The following EXOC6 variants were observed in gnomAD, a reference collection of about 807,000 sequenced individuals.
EXOC6 encodes the protein exocyst complex component 6.
A neutral mutation model predicts 112.5 loss-of-function variants in EXOC6; 60 were observed. That is an observed-to-expected ratio of 0.53 (90% CI 0.43 to 0.66). EXOC6 has a LOEUF of 0.66. Ranked by LOEUF, EXOC6 falls within the 30% of genes least tolerant of loss-of-function variation. The pLI is 0.00. For missense variants in EXOC6, 855 were observed against 957.1 expected (o/e 0.89, Z 1.41); for synonymous variants, 295 against 308.0 (o/e 0.96, Z 0.44).
chr10:92,952,773 A>G (rs1409211787), intron 15 of EXOC6, among the ~76,000 whole-genome samples: 2 of 152,140 alleles, frequency 1.3e-5, no homozygotes, highest in Admixed American at 6.5e-5. Context: ...TGCAAAGGAC[A>G]TGATTTTGTT....
intron 1 of EXOC6, among the ~76,000 whole-genome samples, chr10:92,829,495 G>A (rs529058834): frequency 1.2e-3 from 184 of 152,238 alleles, no homozygotes; most frequent in African/African-American, 4.3e-3. Context: ...GGACAACAAC[G>A]CCAGACAACA....
intron 1 of EXOC6, among the ~76,000 whole-genome samples, chr10:92,849,680 A>C (rs1847229964): frequency 1.3e-5 from 2 of 152,224 alleles, no homozygotes; most frequent in African/African-American, 2.4e-5. Context: ...TATAGTGTAA[A>C]TTGAAGCCAG....
chr10:92,954,610 A>C lies in EXOC6; in HGVS notation c.1527-20A>C, dbSNP rs753270294. ...CATTCATTATTTATTAAGTTTAATA[A>C]TATCAATCTTTGTTTTTAGCTCAAC... On this transcript the variant is annotated intron_variant, in intron 15 of 21. Coordinates refer to ENST00000260762, the MANE Select transcript of EXOC6 (RefSeq NM_019053.6). 5.8e-6 allele frequency: 7 copies of C among 1,207,436 alleles called. No individual in the cohort carries two copies. In the South Asian group the frequency reaches 9.0e-5, roughly 15 times the overall value. The allele number at this position is 1,207,436 out of a possible 1,614,324, so 74.8% of individuals were successfully genotyped here.
chr10:92,980,984 G>A (rs1405782764), intron 18 of EXOC6, among the ~76,000 whole-genome samples: 1 of 152,008 alleles, frequency 6.6e-6, no homozygotes, highest in Non-Finnish European at 1.5e-5. Context: ...CCTAGATCGC[G>A]CCATTGCACT....
chr10:92,855,752 T>G (rs189020348), intron 1 of EXOC6, among the ~76,000 whole-genome samples: 1 of 152,316 alleles, frequency 6.6e-6, no homozygotes, highest in Non-Finnish European at 1.5e-5. Flanking sequence ...TTCTTGAATT[T>G]AGTAATTTGA....
At chr10:92,855,520 A>G (rs913875434) in intron 1 of EXOC6, among the ~76,000 whole-genome samples, 1 of 152,152 alleles carries the variant, frequency 6.6e-6, no homozygotes, top group African/African-American at 2.4e-5. Context: ...AAAATTTTCC[A>G]GTTAAGCCAT....
intron 20 of EXOC6, among the ~76,000 whole-genome samples, chr10:93,029,310 G>A (rs1845167460): frequency 6.6e-6 from 1 of 152,130 alleles, no homozygotes; most frequent in South Asian, 2.1e-4. Flanking sequence ...TCACTTTATT[G>A]TGATAATCAT....
intron 18 of EXOC6, among the ~76,000 whole-genome samples, chr10:92,993,174 G>A (rs1441320520): frequency 6.6e-6 from 1 of 152,006 alleles, no homozygotes; most frequent in African/African-American, 2.4e-5. Flanking sequence ...TCTTTGACAA[G>A]AGTTAGACTT....
At chr10:92,830,215 T>TC (rs1282120943), upstream of EXOC6, among the ~76,000 whole-genome samples, 2 of 152,132 alleles carry the variant, frequency 1.3e-5, no homozygotes, top group East Asian at 3.8e-4. Flanking sequence ...GACCCCTTTC[T>TC]CGTAACAAAC....
At chr10:92,966,281 A>ATT (rs1842045055) in intron 17 of EXOC6, among the ~76,000 whole-genome samples, 2 of 134,954 alleles carry the variant, frequency 1.5e-5, no homozygotes, top group Non-Finnish European at 3.1e-5. Context: ...ATGTAATTAT[A>ATT]ATTATTATTA....
At chr10:92,916,537 T>C (rs1750103257) in intron 7 of EXOC6, among the ~76,000 whole-genome samples, 1 of 151,932 alleles carries the variant, frequency 6.6e-6, no homozygotes, top group Non-Finnish European at 1.5e-5. Context: ...CAAACAACTA[T>C]CTTACAAGGT....
At chr10:92,851,274 G>A (rs1265217331) in intron 1 of EXOC6, among the ~76,000 whole-genome samples, 1 of 152,176 alleles carries the variant, frequency 6.6e-6, no homozygotes, top group Non-Finnish European at 1.5e-5. Flanking sequence ...CAGAAAGTCA[G>A]TGAAACTCAA....
In EXOC6 at chr10:92,973,865, G is replaced by T. The variant is rs988504412; in HGVS notation, c.1774-188G>T. Among the ~76,000 whole-genome samples, 3 of 151,934 alleles carry T rather than the reference G, an allele frequency of 2.0e-5. No homozygotes were observed. In the South Asian group the frequency reaches 6.2e-4, roughly 32 times the overall value. On this transcript the variant is annotated intron_variant, in intron 17 of 21. Transcript: ENST00000260762. ...ATAGGTTAGAAAGGAACTAAGAAAAGATGTGATGTGATATCCAGTCAAATA... is the reference window on the plus strand; with the variant it reads ...ATAGGTTAGAAAGGAACTAAGAAAATATGTGATGTGATATCCAGTCAAATA...
chr10:92,997,663 T>A (rs775551487), intron 19 of EXOC6, 48 bp downstream of exon 19: 2 of 1,476,630 alleles, frequency 1.4e-6, no homozygotes. Context: ...GAATCTATGC[T>A]TAAATTATAT....
intron 20 of EXOC6, among the ~76,000 whole-genome samples, chr10:93,022,922 A>G (rs1844850040): frequency 6.6e-6 from 1 of 151,800 alleles, no homozygotes; most frequent in African/African-American, 2.4e-5. Context: ...GAAGTAGTAT[A>G]CCACCAAATA....
chr10:93,031,181 G>C (rs781330308), intron 20 of EXOC6, among the ~76,000 whole-genome samples: 2 of 151,956 alleles, frequency 1.3e-5, no homozygotes, highest in Non-Finnish European at 2.9e-5. Flanking sequence ...GGTAAGAGGG[G>C]AAATTTACAC....
chr10:93,012,400 G>A lies in EXOC6; in HGVS notation c.2096-1794G>A, dbSNP rs1028606982. Among the ~76,000 whole-genome samples the A allele has an allele frequency of 2.6e-5, 4 of 152,254 alleles. No individual in the cohort carries two copies. In the East Asian group the frequency reaches 7.7e-4, roughly 29 times the overall value. ...AAAAACAGCTCTTACTTCCATAACA[G>A]CCCCTGGGAATTTTACTTTATAGAA... On this transcript the variant is annotated intron_variant, in intron 19 of 21. Transcript: ENST00000260762.
At chr10:92,995,565 A>T (rs893868244) in intron 18 of EXOC6, among the ~76,000 whole-genome samples, 2 of 152,196 alleles carry the variant, frequency 1.3e-5, no homozygotes, top group Non-Finnish European at 1.5e-5. Flanking sequence ...ATTTCCATTA[A>T]GTATTCTGAA....
chr10:92,976,141 C>G (rs1476265376), intron 18 of EXOC6, among the ~76,000 whole-genome samples: 1 of 152,020 alleles, frequency 6.6e-6, no homozygotes, highest in African/African-American at 2.4e-5. Context: ...TGAGGAGCCC[C>G]TCTGCCGGGC....
Sources: gnomAD v4.1 joint callset for allele counts (sites outside exome capture counted in the v4.1 genomes callset) on GRCh38, gnomAD v4.1.1 for gene constraint, MANE v1.5 for transcripts, NCBI Gene and HGNC (gene_info 2026-07-23, HGNC 2026-07-21) for gene names.